The following ACTR3C variants were observed in gnomAD, a reference collection of about 807,000 sequenced individuals.
The protein encoded by ACTR3C is actin related protein 3C.
In ACTR3C, 18 loss-of-function variants were observed where a neutral mutation model predicts 26.3. The ratio of observed to expected loss-of-function variants is 0.68; its 90% CI spans 0.47 to 1.01. ACTR3C has a LOEUF of 1.01. Among genes scored for constraint, ACTR3C ranks in the 50% least tolerant of loss-of-function variants. The pLI is 0.00. For missense variants in ACTR3C, 184 were observed against 250.7 expected, an observed-to-expected ratio of 0.73 and a Z score of 1.80; for synonymous variants, 55 against 94.5, an observed-to-expected ratio of 0.58 and a Z score of 2.42.
the ACTR3C span, among the ~76,000 whole-genome samples, chr7:150,129,548 G>A: frequency 1.3e-5 from 2 of 152,070 alleles, no homozygotes; most frequent in Non-Finnish European, 2.9e-5. Flanking sequence ...AAATTTGTAG[G>A]ATAAAAAGTC....
At chr7:150,222,698 A>G in the ACTR3C span, among the ~76,000 whole-genome samples, 1 of 152,192 alleles carries the variant, frequency 6.6e-6, no homozygotes, top group Non-Finnish European at 1.5e-5. Flanking sequence ...TTGATGACTC[A>G]CCCTCGCGTT....
chr7:150,094,172 GC>G, the ACTR3C span, among the ~76,000 whole-genome samples: 1 of 150,516 alleles, frequency 6.6e-6, no homozygotes, highest in Non-Finnish European at 1.5e-5. Context: ...CATTTGTTGA[GC>G]CCTTTTTGTG....
chr7:149,933,562 C>T, the ACTR3C span, among the ~76,000 whole-genome samples: 1 of 152,098 alleles, frequency 6.6e-6, no homozygotes, highest in Non-Finnish European at 1.5e-5. Flanking sequence ...AAACAAAAAA[C>T]AATTACAACA....
the ACTR3C span, chr7:150,002,508 C>G: frequency 6.6e-5 from 10 of 152,170 alleles, no homozygotes; most frequent in African/African-American, 2.4e-4. Flanking sequence ...CCGACAGAGC[C>G]GCGTGTTGAT....
At chr7:150,136,675 T>C in the ACTR3C span, among the ~76,000 whole-genome samples, 3 of 151,480 alleles carry the variant, frequency 2.0e-5, no homozygotes, top group Non-Finnish European at 4.4e-5. Flanking sequence ...ATCTCATAAA[T>C]AAATAAATAA....
the ACTR3C span, among the ~76,000 whole-genome samples, chr7:150,083,968 C>T: frequency 6.6e-6 from 1 of 152,206 alleles, no homozygotes; most frequent in Non-Finnish European, 1.5e-5. Context: ...ATCAATCTCT[C>T]AGCTGGGTAT....
chr7:150,303,316 T>C (rs754313356), intron 1 of ACTR3C, among the ~76,000 whole-genome samples: 1 of 152,162 alleles, frequency 6.6e-6, no homozygotes, highest in Non-Finnish European at 1.5e-5. Flanking sequence ...CTTGTGATCA[T>C]GAGGCATCCT....
chr7:150,256,586 T>C (rs1416286665), intron 6 of ACTR3C, among the ~76,000 whole-genome samples: 2 of 152,160 alleles, frequency 1.3e-5, no homozygotes, highest in East Asian at 1.9e-4. Context: ...ATGGGACCAA[T>C]AGACACAGAA....
the ACTR3C span, among the ~76,000 whole-genome samples, chr7:150,210,228 G>C: frequency 6.7e-6 from 1 of 149,804 alleles, no homozygotes; most frequent in African/African-American, 2.5e-5. Flanking sequence ...CTTGAGTGTG[G>C]GCAAGGATTT....
At chr7:150,033,780 G>T in the ACTR3C span, among the ~76,000 whole-genome samples, 2 of 151,670 alleles carry the variant, frequency 1.3e-5, no homozygotes, top group African/African-American at 4.8e-5. Flanking sequence ...CTCCTGCGAT[G>T]GGGGTCCTCA....
chr7:150,083,396 A>G, the ACTR3C span, among the ~76,000 whole-genome samples: 1 of 151,994 alleles, frequency 6.6e-6, no homozygotes, highest in Non-Finnish European at 1.5e-5. Context: ...GTGAAACCCC[A>G]TCTCTACAAA....
At chr7:150,231,554 C>T in the ACTR3C span, among the ~76,000 whole-genome samples, 1 of 150,320 alleles carries the variant, frequency 6.7e-6, no homozygotes, top group Non-Finnish European at 1.5e-5. Flanking sequence ...TGATGCATCT[C>T]GTATAGCCTA....
At chr7:150,158,274 T>C in the ACTR3C span, among the ~76,000 whole-genome samples, 9 of 151,922 alleles carry the variant, frequency 5.9e-5, no homozygotes, top group African/African-American at 1.5e-4. Flanking sequence ...TTATGGAAAG[T>C]AGTATGGAGG....
At chr7:150,083,013 A>G in the ACTR3C span, among the ~76,000 whole-genome samples, 1 of 137,978 alleles carries the variant, frequency 7.2e-6, no homozygotes, top group Non-Finnish European at 1.5e-5. Context: ...TGGTGCCATC[A>G]TAGCTCACTG....
At chr7:150,094,004 G>A in the ACTR3C span, among the ~76,000 whole-genome samples, 1 of 150,508 alleles carries the variant, frequency 6.6e-6, no homozygotes, top group Non-Finnish European at 1.5e-5. Context: ...GTTTTCTGGT[G>A]AGGAGAGGAA....
intron 4 of ACTR3C, 136 bp from the exon 5 acceptor site, chr7:150,286,676 T>C: frequency 4.4e-6 from 5 of 1,143,442 alleles, no homozygotes; most frequent in Non-Finnish European, 4.8e-6. Context: ...CTAGTGTGGA[T>C]ATGCATCAAG....
At chr7:150,320,382 T>C (rs1797379343) in intron 1 of ACTR3C, among the ~76,000 whole-genome samples, 1 of 152,248 alleles carries the variant, frequency 6.6e-6, no homozygotes, top group Non-Finnish European at 1.5e-5. Context: ...AGACTATCTG[T>C]ATTGTTATTC....
chr7:150,256,142 A>C (rs1383118670), intron 6 of ACTR3C, among the ~76,000 whole-genome samples: 1 of 152,248 alleles, frequency 6.6e-6, no homozygotes, highest in Non-Finnish European at 1.5e-5. Flanking sequence ...CATGGAGTGT[A>C]CGTACCACAT....
the ACTR3C span, among the ~76,000 whole-genome samples, chr7:150,236,375 T>C: frequency 1.3e-5 from 2 of 152,192 alleles, no homozygotes; most frequent in South Asian, 4.1e-4. Flanking sequence ...CCAACACTCA[T>C]ACCAAGTACA....
Sources: gnomAD v4.1 joint callset for allele counts (sites outside exome capture counted in the v4.1 genomes callset) on GRCh38, gnomAD v4.1.1 for gene constraint, MANE v1.5 for transcripts, NCBI Gene and HGNC (gene_info 2026-07-23, HGNC 2026-07-21) for gene names.